Variants in ECHDC2 observed in about 807,000 individuals in gnomAD.
ECHDC2 encodes the protein enoyl-CoA hydratase domain-containing protein 2, mitochondrial.
In ECHDC2, 34 loss-of-function variants were observed where a neutral mutation model predicts 40.6. The observed-to-expected ratio is 0.84, with a 90% CI of 0.64 to 1.11. The LOEUF (loss-of-function observed/expected upper bound fraction) is 1.11, where lower values mean the gene tolerates loss of function less well. Ranked by LOEUF, ECHDC2 falls within the 50% of genes most tolerant of loss-of-function variation. The pLI is 0.00. For synonymous variants in ECHDC2, 162 were observed against 166.6 expected (o/e 0.97, Z 0.21); for missense variants, 392 against 400.7 (o/e 0.98, Z 0.19).
intron 1 of ECHDC2, 141 bp downstream of exon 1, chr1:52,921,412 G>GC: frequency 7.0e-7 from 1 of 1,420,778 alleles, no homozygotes; most frequent in Non-Finnish European, 9.2e-7. Flanking sequence ...CAGGCCTGGA[G>GC]CGGTTTGGGG....
intron 1 of ECHDC2, chr1:52,913,909 C>T (rs1465808587): frequency 1.7e-6 from 2 of 1,151,966 alleles, no homozygotes; most frequent in Non-Finnish European, 2.2e-6. Context: ...CAGGTGATGC[C>T]TCTGCACTCC....
chr1:52,915,926 C>T (rs1372514095), intron 1 of ECHDC2, among the ~76,000 whole-genome samples: 4 of 152,154 alleles, frequency 2.6e-5, no homozygotes, highest in Admixed American at 6.5e-5. Flanking sequence ...CAAAGGACTG[C>T]GGGCAACCTC....
intron 1 of ECHDC2, chr1:52,915,176 G>C (rs1650408355): frequency 1.8e-5 from 8 of 455,410 alleles, no homozygotes; most frequent in Admixed American, 9.4e-5. Flanking sequence ...GAAAAATCAG[G>C]ATGGACATTT....
In ECHDC2 at chr1:52,909,303, C is replaced by T. The variant is rs566344411; in HGVS notation, c.278-1349G>A. Among the ~76,000 whole-genome samples the T allele has an allele frequency of 5.9e-5, 9 of 152,232 alleles. No homozygotes were observed. The South Asian group carries it at 1.2e-3, about 21-fold the overall frequency. On this transcript the variant is annotated intron_variant, in intron 3 of 9. Transcript: ENST00000371522. ...CAAACAGATACAGTCCCTCCTTATC[C>T]GTAGGGGACTGGTTCCAGGACCCCT...
chr1:52,912,177 T>A (rs923522298), intron 1 of ECHDC2: 2 of 446,380 alleles, frequency 4.5e-6, no homozygotes, highest in African/African-American at 2.1e-5. Context: ...TCATCTTTTT[T>A]TTTTTTATTT....
At position 52,905,055 on chromosome 1, in the gene ECHDC2, G is replaced by T. The variant is rs768176933; in HGVS notation, c.493C>A (p.Arg165=). Residue 165 remains arginine, a synonymous_variant, in exon 6 of 10, where the codon CGA becomes AGA. Transcript: ENST00000371522. Reference sequence around the variant, plus strand: ...TTACCTGCCCCCGGGAGGAGCCCTCGCGTGGTCTCAATCAGTCCCATGACT... The same window carrying T: ...TTACCTGCCCCCGGGAGGAGCCCTCTCGTGGTCTCAATCAGTCCCATGACT... ...SAVMGLIETT[R]GLLPGAGGTQ... 2.0e-5 allele frequency: 33 copies of T among 1,614,046 alleles called. No individual in the cohort carries two copies. The highest frequency in any genetic ancestry group is 8.5e-6 in the Non-Finnish European group (10 of 1,180,032).
At chr1:52,912,442 G>C (rs868718603) in intron 1 of ECHDC2, among the ~76,000 whole-genome samples, 1 of 151,912 alleles carries the variant, frequency 6.6e-6, no homozygotes, top group African/African-American at 2.4e-5. Flanking sequence ...TCCTGAGCTC[G>C]AGCAATCTGC....
chr1:52,907,147 G>T (rs1648134907), intron 4 of ECHDC2: 1 of 149,998 alleles, frequency 6.7e-6, no homozygotes, highest in Admixed American at 6.6e-5. Context: ...GCCCAGGCTG[G>T]AGTGCAATGG....
chr1:52,920,402 G>A (rs530011030), intron 1 of ECHDC2: 6 of 776,868 alleles, frequency 7.7e-6, no homozygotes, highest in African/African-American at 3.4e-5. Context: ...GGCGGCAGGC[G>A]CCATGTCCGG....
At chr1:52,917,884 TTGATAA>T (rs1233078254) in intron 1 of ECHDC2, among the ~76,000 whole-genome samples, 8 of 152,248 alleles carry the variant, frequency 5.3e-5, no homozygotes, top group Non-Finnish European at 1.0e-4. Context: ...AACATAATAC[TTGATAA>T]TGATAATAAA....
At chr1:52,897,378 G>A (rs576729970) in intron 9 of ECHDC2, 59 bp downstream of exon 9, 21 of 1,559,812 alleles carry the variant, frequency 1.3e-5, no homozygotes, top group Non-Finnish European at 1.6e-5. Flanking sequence ...ACCATACAAA[G>A]TCCCTCTAGC....
intron 7 of ECHDC2, among the ~76,000 whole-genome samples, chr1:52,903,878 C>T (rs962230566): frequency 6.7e-6 from 1 of 149,028 alleles, no homozygotes; most frequent in South Asian, 2.1e-4. Flanking sequence ...AGTGCAATGG[C>T]GCGATCTTGG....
intron 5 of ECHDC2, chr1:52,906,189 G>T: frequency 1.6e-5 from 6 of 383,956 alleles, no homozygotes; most frequent in Admixed American, 3.5e-5. Flanking sequence ...CCGAAACATG[G>T]TCGATAAATC....
Position 52,908,066 on chromosome 1 carries a change from G to A in ECHDC2, c.278-112C>T, listed in dbSNP as rs556145176. On this transcript the variant is annotated intron_variant, in intron 3 of 9. Coordinates refer to ENST00000371522, the MANE Select transcript of ECHDC2 (RefSeq NM_001198961.2). ...CTGAGGACAGGCAGCCAGCGAGGAA[G>A]GAGAAACACCAGGAACCCGGGCAAG... The A allele has an allele frequency of 7.9e-6, 7 of 890,312 alleles. No homozygotes were observed. In the South Asian group the frequency reaches 1.0e-4, roughly 13 times the overall value. The allele number at this position is 890,312 out of a possible 1,614,324, so 55.2% of individuals were successfully genotyped here.
chr1:52,901,934 C>G (rs891654177), intron 7 of ECHDC2: 1 of 151,778 alleles, frequency 6.6e-6, no homozygotes, highest in East Asian at 1.9e-4. Context: ...TGTATTAGTT[C>G]GGAGACTTTC....
At chr1:52,900,598 T>C (rs1318687282) in intron 7 of ECHDC2, 2 of 152,200 alleles carry the variant, frequency 1.3e-5, no homozygotes, top group Non-Finnish European at 2.9e-5. Flanking sequence ...TCCTTCCATA[T>C]GCAATGGAAA....
chr1:52,916,438 C>A (rs985295103), intron 1 of ECHDC2, among the ~76,000 whole-genome samples: 2 of 152,146 alleles, frequency 1.3e-5, no homozygotes, highest in South Asian at 4.2e-4. Context: ...ACACACCAGC[C>A]CCATGGCCTT....
intron 5 of ECHDC2, chr1:52,905,776 G>A (rs1424241479): frequency 1.2e-5 from 2 of 163,688 alleles, no homozygotes; most frequent in Non-Finnish European, 2.7e-5. Flanking sequence ...CGTGAACGTG[G>A]GCATGTGAGA....
intron 1 of ECHDC2, among the ~76,000 whole-genome samples, chr1:52,917,223 GAA>G (rs569946278): frequency 5.1e-4 from 51 of 99,936 alleles, no homozygotes; most frequent in African/African-American, 1.4e-3. Flanking sequence ...CCATCTCAAA[GAA>G]AAAAAAAAAA....
Sources: gnomAD v4.1 joint callset for allele counts (sites outside exome capture counted in the v4.1 genomes callset) on GRCh38, gnomAD v4.1.1 for gene constraint, MANE v1.5 for transcripts, NCBI Gene and HGNC (gene_info 2026-07-23, HGNC 2026-07-21) for gene names.